The following AGBL4 variants were observed in gnomAD, a reference collection of about 807,000 sequenced individuals.
The protein encoded by AGBL4 is AGBL carboxypeptidase 4.
AGBL4 carries 58 observed loss-of-function variants against 66.4 expected under a neutral mutation model. The ratio of observed to expected loss-of-function variants is 0.87; its 90% CI spans 0.71 to 1.09. AGBL4 has a LOEUF of 1.09. Among genes scored for constraint, AGBL4 ranks in the 50% least tolerant of loss-of-function variants. The pLI is 0.00. For synonymous variants in AGBL4, 234 were observed against 222.9 expected (o/e 1.05, Z -0.44); for missense variants, 579 against 631.0 (o/e 0.92, Z 0.88).
chr1:49,071,408 G>A (rs2147935967), intron 4 of AGBL4, among the ~76,000 whole-genome samples: 2 of 151,996 alleles, frequency 1.3e-5, no homozygotes, highest in African/African-American at 4.8e-5. Flanking sequence ...TCTACACATT[G>A]GTTTAAATGT....
At chr1:49,763,495 T>C (rs1469684798) in intron 2 of AGBL4, among the ~76,000 whole-genome samples, 2 of 152,180 alleles carry the variant, frequency 1.3e-5, no homozygotes, top group Non-Finnish European at 2.9e-5. Context: ...TTCAAGATGA[T>C]GGTCTAAGAG....
chr1:49,190,860 G>C (rs1647105401), intron 4 of AGBL4, among the ~76,000 whole-genome samples: 1 of 152,064 alleles, frequency 6.6e-6, no homozygotes, highest in African/African-American at 2.4e-5. Flanking sequence ...GTGAAGAAGA[G>C]ACCCACTAGA....
At chr1:49,696,090 A>G (rs1646977873) in intron 3 of AGBL4, among the ~76,000 whole-genome samples, 1 of 152,102 alleles carries the variant, frequency 6.6e-6, no homozygotes, top group South Asian at 2.1e-4. Context: ...TTTTTCCCAA[A>G]TATACTAGCA....
At chr1:49,901,358 A>AACAATAT (rs1649753961) in intron 1 of AGBL4, among the ~76,000 whole-genome samples, 1 of 152,308 alleles carries the variant, frequency 6.6e-6, no homozygotes, top group Admixed American at 6.5e-5. Context: ...AGAATGCAAA[A>AACAATAT]ACAATATACA....
chr1:49,095,724 AC>A (rs1430320153), intron 4 of AGBL4, among the ~76,000 whole-genome samples: 22 of 151,788 alleles, frequency 1.4e-4, no homozygotes, highest in Non-Finnish European at 3.1e-4. Flanking sequence ...TAGACCTAAA[AC>A]CATAAAAACC....
At chr1:49,476,852 C>T (rs143338307) in intron 3 of AGBL4, among the ~76,000 whole-genome samples, 21 of 152,138 alleles carry the variant, frequency 1.4e-4, no homozygotes, top group African/African-American at 4.6e-4. Context: ...AGGTGAATCC[C>T]AGGCATGGCA....
intron 5 of AGBL4, among the ~76,000 whole-genome samples, chr1:48,892,687 G>C (rs1651088374): frequency 6.6e-6 from 1 of 152,162 alleles, no homozygotes; most frequent in African/African-American, 2.4e-5. Context: ...CAGGCAATTA[G>C]ATACACATTT....
chr1:48,603,296 C>G (rs990711767), intron 9 of AGBL4, among the ~76,000 whole-genome samples: 4 of 152,016 alleles, frequency 2.6e-5, no homozygotes, highest in African/African-American at 9.7e-5. Flanking sequence ...ATGGTGAAAC[C>G]CTGGCTCTAC....
intron 3 of AGBL4, among the ~76,000 whole-genome samples, chr1:49,593,425 TAAA>T (rs1369784696): frequency 1.3e-5 from 2 of 151,828 alleles, no homozygotes; most frequent in East Asian, 3.9e-4. Flanking sequence ...TCAAAATAAA[TAAA>T]TAAATAAAGG....
At chr1:49,016,693 T>C (rs538473937) in intron 5 of AGBL4, among the ~76,000 whole-genome samples, 8 of 152,336 alleles carry the variant, frequency 5.3e-5, no homozygotes, top group East Asian at 1.9e-4. Flanking sequence ...TCAGGATCTA[T>C]AGTAGTTGGG....
chr1:49,496,352 T>C (rs1424767419), intron 3 of AGBL4, among the ~76,000 whole-genome samples: 1 of 152,022 alleles, frequency 6.6e-6, no homozygotes, highest in African/African-American at 2.4e-5. Flanking sequence ...CTAATTAACA[T>C]ACAAAGCCTC....
chr1:49,069,882 T>C (rs1461103944), intron 4 of AGBL4, among the ~76,000 whole-genome samples: 1 of 151,980 alleles, frequency 6.6e-6, no homozygotes, highest in Non-Finnish European at 1.5e-5. Flanking sequence ...TGTTCTTCCA[T>C]TTGTTTGTGT....
At chr1:49,488,908 A>G (rs1191352258) in intron 3 of AGBL4, among the ~76,000 whole-genome samples, 1 of 151,958 alleles carries the variant, frequency 6.6e-6, no homozygotes, top group African/African-American at 2.4e-5. Context: ...GTGTATATGC[A>G]TCACGTTTTC....
At chr1:49,537,128 G>A (rs572872254) in intron 3 of AGBL4, among the ~76,000 whole-genome samples, 3 of 152,072 alleles carry the variant, frequency 2.0e-5, no homozygotes, top group South Asian at 2.1e-4. Context: ...ATCTCTCACC[G>A]TATATAAAAA....
downstream of AGBL4, among the ~76,000 whole-genome samples, chr1:48,528,818 T>C (rs1643892496): frequency 6.6e-6 from 1 of 152,146 alleles, no homozygotes; most frequent in East Asian, 1.9e-4. Flanking sequence ...CCAATCAAAG[T>C]AACATAAAAA....
At chr1:49,107,465 G>A (rs1645314042) in intron 4 of AGBL4, among the ~76,000 whole-genome samples, 1 of 152,144 alleles carries the variant, frequency 6.6e-6, no homozygotes, top group African/African-American at 2.4e-5. Context: ...ATATGGAGAA[G>A]ATGAAGCCCA....
intron 3 of AGBL4, among the ~76,000 whole-genome samples, chr1:49,313,011 C>T (rs921545299): frequency 6.6e-6 from 1 of 152,028 alleles, no homozygotes; most frequent in African/African-American, 2.4e-5. Context: ...TCTCCTAATG[C>T]TATCCCTCCT....
At chr1:49,640,776 C>CT (rs1309990295) in intron 3 of AGBL4, among the ~76,000 whole-genome samples, 1 of 152,084 alleles carries the variant, frequency 6.6e-6, no homozygotes, top group East Asian at 1.9e-4. Flanking sequence ...TACATGACTT[C>CT]TTTTTTGAAA....
chr1:50,014,440 A>G (rs1661788268), intron 1 of AGBL4, among the ~76,000 whole-genome samples: 1 of 151,880 alleles, frequency 6.6e-6, no homozygotes, highest in Non-Finnish European at 1.5e-5. Context: ...ACCTGCTCTA[A>G]TACAAATGTT....
Sources: gnomAD v4.1 joint callset for allele counts (sites outside exome capture counted in the v4.1 genomes callset) on GRCh38, gnomAD v4.1.1 for gene constraint, MANE v1.5 for transcripts, NCBI Gene and HGNC (gene_info 2026-07-23, HGNC 2026-07-21) for gene names.